Variants in METAP1 observed in about 807,000 individuals in gnomAD.
The protein encoded by METAP1 is methionine aminopeptidase 1.
METAP1 carries 28 observed loss-of-function variants against 53.8 expected under a neutral mutation model. That is an observed-to-expected ratio of 0.52 (90% confidence interval 0.39 to 0.71). The LOEUF is 0.71. Among genes scored for constraint, METAP1 ranks in the 30% least tolerant of loss-of-function variants. METAP1 has a pLI of 0.00. For missense variants in METAP1, 389 were observed against 479.8 expected, an observed-to-expected ratio of 0.81 and a Z score of 1.77; for synonymous variants, 181 against 165.7, an observed-to-expected ratio of 1.09 and a Z score of -0.71.
At position 99,045,275 on chromosome 4, in the gene METAP1, C is replaced by A; in HGVS notation, c.752C>A (p.Thr251Asn). 3 of 1,613,800 alleles carry A rather than the reference C, an allele frequency of 1.9e-6. No individual in the cohort carries two copies. Among genetic ancestry groups the A allele is most frequent in the Non-Finnish European group, 2.5e-6 (3 of 1,179,802 alleles). The change falls in exon 8 of 11, where the codon ACC becomes AAC. Residue 251 changes from threonine (T) to asparagine (N), a missense_variant. By Grantham distance (65) the Thr-to-Asn change is moderately conservative. Transcript: ENST00000296411. ...VDDGARKLVQTTYECLMQAID... is the reference protein window; with the variant it reads ...VDDGARKLVQNTYECLMQAID... ...GATGGAGCACGGAAACTTGTTCAGA[C>A]CACATATGAGTGCCTGATGCAAGCC...
At chr4:99,034,635 C>T (rs933352482) in intron 3 of METAP1, among the ~76,000 whole-genome samples, 7 of 152,174 alleles carry the variant, frequency 4.6e-5, no homozygotes, top group East Asian at 1.9e-4. Flanking sequence ...AGTCGTCCCT[C>T]GATATCCATG....
In METAP1 at chr4:99,062,172, C is replaced by T. The variant is rs1727583127; in HGVS notation, c.*855C>T. On this transcript the variant is annotated 3_prime_UTR_variant, in exon 11 of 11. Transcript: ENST00000296411. The stretch of plus-strand genomic sequence containing the variant: ...TCCCTTTTCTGTTTTACTTCAAGGG[C>T]ATACCTTGGAGGTGCTCAGAGAAGC... The T allele has an allele frequency of 6.6e-6, 1 of 152,170 alleles. No individual in the cohort carries two copies. Among genetic ancestry groups the T allele is most frequent in the Non-Finnish European group, 1.5e-5 (1 of 68,038 alleles). 9.4% of individuals were successfully genotyped at this position (152,170 alleles called of 1,614,324 possible). A position where few individuals can be genotyped will look rare whatever the true frequency, so the allele number is the denominator to read the frequency against.
intron 1 of METAP1, among the ~76,000 whole-genome samples, chr4:99,016,100 G>C (rs62323254): frequency 1.3e-5 from 2 of 152,166 alleles, no homozygotes; most frequent in South Asian, 2.1e-4. Context: ...AGGCTGATGC[G>C]ATTGTACTGG....
chr4:99,026,950 T>C (rs960452835), intron 1 of METAP1: 2 of 667,776 alleles, frequency 3.0e-6, no homozygotes, highest in Non-Finnish European at 3.7e-6. Context: ...GAATCTGTTT[T>C]GTGAGACAAG....
At chr4:99,014,905 G>T (rs1276062578) in intron 1 of METAP1, among the ~76,000 whole-genome samples, 1 of 152,224 alleles carries the variant, frequency 6.6e-6, no homozygotes, top group Non-Finnish European at 1.5e-5. Flanking sequence ...TGCTGTGAGA[G>T]GCATGAGGCA....
intron 9 of METAP1, among the ~76,000 whole-genome samples, chr4:99,056,181 C>A (rs574813897): frequency 1.3e-5 from 2 of 152,178 alleles, no homozygotes; most frequent in African/African-American, 4.8e-5. Flanking sequence ...AGTTGCAGAT[C>A]AGAACAACCT....
At chr4:99,041,849 A>C (rs74772928) in intron 6 of METAP1, among the ~76,000 whole-genome samples, 1 of 149,712 alleles carries the variant, frequency 6.7e-6, no homozygotes, top group South Asian at 2.1e-4. Context: ...GGATTTGACA[A>C]TCTATCTTGA....
chr4:99,053,916 T>A (rs1726908706), intron 9 of METAP1, among the ~76,000 whole-genome samples: 1 of 150,846 alleles, frequency 6.6e-6, no homozygotes, highest in Non-Finnish European at 1.5e-5. Context: ...TATATTAATA[T>A]TATTAAAATA....
chr4:99,014,666 G>A (rs1476139416), intron 1 of METAP1, among the ~76,000 whole-genome samples: 5 of 152,098 alleles, frequency 3.3e-5, no homozygotes, highest in Admixed American at 6.5e-5. Context: ...TGGTGGTGGG[G>A]TGTTTCCTAT....
chr4:99,062,274 G>C lies in METAP1; in HGVS notation c.*957G>C, dbSNP rs560028942. 1 of 152,266 alleles carries C rather than the reference G, an allele frequency of 6.6e-6. No homozygotes were observed. The highest frequency in any genetic ancestry group is 2.1e-4 in the South Asian group (1 of 4,826). 9.4% of individuals were successfully genotyped at this position (152,266 alleles called of 1,614,324 possible). A position where few individuals can be genotyped will look rare whatever the true frequency, so the allele number is the denominator to read the frequency against. On this transcript the variant is annotated 3_prime_UTR_variant, in exon 11 of 11. Coordinates refer to ENST00000296411, the MANE Select transcript of METAP1 (RefSeq NM_015143.3). ...AGCTGTGAACCCAGGAGGTCAAGTG[G>C]GCTATTAAAATCTAACGTTGAGTAA...
chr4:99,061,360 A>G lies in METAP1; in HGVS notation c.*43A>G, dbSNP rs149360928. ...CATCTCAGTACCTTCTTACTGTGCTATGCATTTTATTGAGAGTACAGAAAG... is the reference window on the plus strand; with the variant it reads ...CATCTCAGTACCTTCTTACTGTGCTGTGCATTTTATTGAGAGTACAGAAAG... On this transcript the variant is annotated 3_prime_UTR_variant, in exon 11 of 11. Transcript: ENST00000296411. 1.7e-4 allele frequency: 263 copies of G among 1,535,686 alleles called. 1 individual carries two copies. In the African/African-American group the frequency reaches 2.7e-3, roughly 16 times the overall value.
chr4:99,039,421 T>A lies in METAP1; in HGVS notation c.388T>A (p.Leu130Ile). 6.2e-7 allele frequency: 1 copy of A among 1,611,860 alleles called. No individual in the cohort carries two copies. The highest frequency in any genetic ancestry group is 8.5e-7 in the Non-Finnish European group (1 of 1,178,382). ...TCTTAAAGGTACTTCTCAGATTAAA[T>A]TACTCTCATCTGAAGATATAGAAGG... ...QALKGTSQIK[L>I]LSSEDIEGMR... is the part of the protein sequence containing the mutation. The change falls in exon 5 of 11, where the codon TTA becomes ATA. Residue 130 changes from leucine (L) to isoleucine (I), a missense_variant. Leu to Ile is a conservative substitution (Grantham distance 5). Coordinates refer to ENST00000296411, the MANE Select transcript of METAP1 (RefSeq NM_015143.3).
At chr4:99,012,757 A>G (rs1230176) in intron 1 of METAP1, among the ~76,000 whole-genome samples, 119,464 of 150,732 alleles carry the variant, frequency 0.79, 47,939 homozygotes, top group East Asian at 0.99. Flanking sequence ...TCTTGAAAAC[A>G]TGTACCCAAG....
Position 99,041,032 on chromosome 4 carries a change from C to CT in METAP1, c.433-5dup, listed in dbSNP as rs762012839. ...GTCTTTTTTAATGTATTGAGTGTTC[C>CT]TTTTTTACAGCTTGCTAGAGAAGTT... On this transcript the variant is annotated splice_polypyrimidine_tract_variant and intron_variant, in intron 5 of 10. Transcript: ENST00000296411. 2 of 1,599,286 alleles carry CT rather than the reference C, an allele frequency of 1.3e-6. No individual in the cohort carries two copies. The highest frequency in any genetic ancestry group is 1.7e-6 in the Non-Finnish European group (2 of 1,170,516).
At chr4:99,045,115 G>GA in intron 7 of METAP1, 64 bp from the exon 8 acceptor site, 2 of 1,530,072 alleles carry the variant, frequency 1.3e-6, no homozygotes, top group South Asian at 1.2e-5. Context: ...TGTCATGTTG[G>GA]AAAAACACTT....
At chr4:99,051,738 G>A (rs1286149922) in intron 9 of METAP1, among the ~76,000 whole-genome samples, 1 of 151,788 alleles carries the variant, frequency 6.6e-6, no homozygotes, top group Admixed American at 6.6e-5. Flanking sequence ...AACAAAATAT[G>A]CAATGATCAC....
At chr4:99,039,270 G>A (rs1158476228) in intron 4 of METAP1, 104 bp from the exon 5 acceptor site, 1 of 635,354 alleles carries the variant, frequency 1.6e-6, no homozygotes, top group Non-Finnish European at 2.7e-6. Context: ...ACTGTTGTGT[G>A]AAACAGTGAG....
intron 1 of METAP1, among the ~76,000 whole-genome samples, chr4:99,020,685 T>C (rs1232828763): frequency 1.3e-5 from 2 of 152,196 alleles, no homozygotes; most frequent in African/African-American, 4.8e-5. Flanking sequence ...GCACATGGCA[T>C]AGTGTATCTC....
chr4:99,045,199 A>G lies in METAP1; in HGVS notation c.676A>G (p.Asn226Asp). ...IVNVDITLYR[N>D]GYHGDLNETF... ...TGCAGTGGATATCACTCTTTATCGC[A>G]ATGGTTATCATGGGGACCTGAATGA... Residue 226 changes from asparagine to aspartate, a missense_variant, in exon 8 of 11, where the codon AAT becomes GAT. Transcript: ENST00000296411. 1 of 1,613,580 alleles carries G rather than the reference A, an allele frequency of 6.2e-7. No individual in the cohort carries two copies. Among genetic ancestry groups the G allele is most frequent in the African/African-American group, 1.3e-5 (1 of 75,060 alleles).
Sources: allele counts gnomAD v4.1 joint callset (sites outside exome capture counted in the v4.1 genomes callset), GRCh38; gene constraint gnomAD v4.1.1; transcripts MANE v1.5; gene names NCBI Gene and HGNC (gene_info 2026-07-23, HGNC 2026-07-21).